Variants in BROX observed in about 807,000 individuals in gnomAD.
BROX encodes the protein BRO1 domain and CAAX motif containing, also known as BRO1 domain-containing protein BROX.
A neutral mutation model predicts 61.0 loss-of-function variants in BROX; 53 were observed. The ratio of observed to expected loss-of-function variants is 0.87; its 90% CI spans 0.70 to 1.09. The LOEUF (loss-of-function observed/expected upper bound fraction) is 1.09. Ranked by LOEUF, BROX falls within the 50% of genes least tolerant of loss-of-function variation. The probability of loss-of-function intolerance (pLI) is 0.00; values close to 1 mark genes in which losing one functional copy is unlikely to be tolerated. For missense variants in BROX, 489 were observed against 472.0 expected, an observed-to-expected ratio of 1.04 and a Z score of -0.33; for synonymous variants, 152 against 160.2, an observed-to-expected ratio of 0.95 and a Z score of 0.38.
rs1374021286 is a variant in BROX, at chr1:222,727,085, G to A, written c.581-83G>A. ...TATTAAAATCCCAGAGAGATTATCA[G>A]ACTGTCTTTTGCTATTATAATTGAA... On this transcript the variant is annotated intron_variant, in intron 7 of 12. Transcript: ENST00000340934. 37 of 947,544 alleles carry A rather than the reference G, an allele frequency of 3.9e-5. No individual in the cohort carries two copies. In the East Asian group the frequency reaches 7.8e-4, roughly 20 times the overall value. 58.7% of individuals were successfully genotyped at this position (947,544 alleles called of 1,614,324 possible).
At chr1:222,732,345 C>T (rs1364108102) in intron 12 of BROX, among the ~76,000 whole-genome samples, 1 of 152,060 alleles carries the variant, frequency 6.6e-6, no homozygotes, top group Non-Finnish European at 1.5e-5. Context: ...GGTATATCTC[C>T]TAAAGCTATC....
chr1:222,734,678 CTGTT>C lies in BROX; in HGVS notation c.*1969_*1972del, dbSNP rs778975948. On this transcript the variant is annotated 3_prime_UTR_variant, in exon 13 of 13. Transcript: ENST00000340934. ...TTGTCTTTATTACAGAATCACTTGT[CTGTT>C]TGTTGTGTGCCACTTACTGACAAAA... 1.1e-4 allele frequency: 17 copies of C among 152,192 alleles called. No individual in the cohort carries two copies. The highest frequency in any genetic ancestry group is 1.7e-4 in the African/African-American group (7 of 41,458). The allele number at this position is 152,192 out of a possible 1,614,324, so 9.4% of individuals were successfully genotyped here.
chr1:222,725,696 GC>G, intron 7 of BROX, 141 bp downstream of exon 7: 1 of 539,128 alleles, frequency 1.9e-6, no homozygotes, highest in Non-Finnish European at 3.1e-6. Flanking sequence ...GCTCACTTGA[GC>G]CCAGGAGTTC....
intron 1 of BROX, chr1:222,713,357 GA>G (rs1158114843): frequency 2.0e-6 from 2 of 985,586 alleles, no homozygotes; most frequent in Non-Finnish European, 2.4e-6. Flanking sequence ...CTGGGCACGG[GA>G]GGAAGAGGCT....
intron 11 of BROX, 131 bp downstream of exon 11, chr1:222,730,308 C>G: frequency 5.2e-6 from 3 of 578,656 alleles, no homozygotes; most frequent in South Asian, 8.6e-5. Context: ...ATAGCACTCA[C>G]TCATGGGCTA....
chr1:222,725,999 C>T (rs1220330841), intron 7 of BROX, among the ~76,000 whole-genome samples: 1 of 152,132 alleles, frequency 6.6e-6, no homozygotes, highest in East Asian at 1.9e-4. Flanking sequence ...AATAAGTTTA[C>T]CTTTAGCATT....
chr1:222,719,976 G>T (rs564097777), intron 4 of BROX, among the ~76,000 whole-genome samples: 2 of 152,088 alleles, frequency 1.3e-5, no homozygotes, highest in Non-Finnish European at 2.9e-5. Flanking sequence ...TGAAATGCCC[G>T]TATATTTTAA....
Position 222,722,498 on chromosome 1 carries a change from C to G in BROX, c.385C>G (p.Leu129Val). 1 of 1,611,224 alleles carries G rather than the reference C, an allele frequency of 6.2e-7. No homozygotes were observed. The highest frequency in any genetic ancestry group is 8.5e-7 in the Non-Finnish European group (1 of 1,177,616). ...ALWYTKYASR[L>V]AGKENITEDE... ...ATGGTATACCAAATATGCTTCAAGA[C>G]TGGCTGGAAAAGAAAAGTAAGTTAA... The change falls in exon 5 of 13, where the codon CTG becomes GTG. Residue 129 changes from leucine to valine, a missense_variant. By Grantham distance (32) the Leu-to-Val change is conservative. Coordinates refer to ENST00000340934, the MANE Select transcript of BROX (RefSeq NM_144695.4).
chr1:222,717,990 C>T (rs1336550575), intron 2 of BROX: 2 of 152,172 alleles, frequency 1.3e-5, no homozygotes, highest in African/African-American at 4.8e-5. Context: ...TCGGAAGCCT[C>T]ACTAAGCTAA....
intron 4 of BROX, among the ~76,000 whole-genome samples, chr1:222,720,279 T>G (rs1656972357): frequency 6.6e-6 from 1 of 152,218 alleles, no homozygotes; most frequent in African/African-American, 2.4e-5. Context: ...CCTTTCTTCC[T>G]TCCTTGGCAA....
Position 222,713,193 on chromosome 1 carries a change from T to A in BROX, c.-17+251T>A, listed in dbSNP as rs1656196926. On this transcript the variant is annotated intron_variant, in intron 1 of 12. Coordinates refer to ENST00000340934, the MANE Select transcript of BROX (RefSeq NM_144695.4). ...CATCTCCATTGGTCATTGGAGAGCTTATAATACAAGCTAAACTGGGGTTCG... is the reference window on the plus strand; with the variant it reads ...CATCTCCATTGGTCATTGGAGAGCTAATAATACAAGCTAAACTGGGGTTCG... 7.1e-6 allele frequency: 7 copies of A among 983,672 alleles called. No homozygotes were observed. The South Asian group carries it at 3.1e-4, about 44-fold the overall frequency. The allele number at this position is 983,672 out of a possible 1,614,324, so 60.9% of individuals were successfully genotyped here. A position where few individuals can be genotyped will look rare whatever the true frequency, so the allele number is the denominator to read the frequency against.
chr1:222,723,183 G>T (rs1657226534), intron 5 of BROX, among the ~76,000 whole-genome samples: 1 of 152,198 alleles, frequency 6.6e-6, no homozygotes, highest in South Asian at 2.1e-4. Flanking sequence ...GCAGAGTAAT[G>T]ATTATAGCTA....
chr1:222,729,835 A>G lies in BROX; in HGVS notation c.838+134A>G, dbSNP rs183868313. Reference sequence around the variant, plus strand: ...GGGAATGGGTGACATAATTGGAGAAAAGAAAAAAATGTTTCAGAAACCTAG... The same window carrying G: ...GGGAATGGGTGACATAATTGGAGAAGAGAAAAAAATGTTTCAGAAACCTAG... On this transcript the variant is annotated intron_variant, in intron 10 of 12. Coordinates refer to ENST00000340934, the MANE Select transcript of BROX (RefSeq NM_144695.4). The G allele has an allele frequency of 6.7e-4, 720 of 1,081,182 alleles. 1 individual carries two copies. Among genetic ancestry groups the G allele is most frequent in the Non-Finnish European group, 8.7e-4 (662 of 759,526 alleles). 67.0% of individuals were successfully genotyped at this position (1,081,182 alleles called of 1,614,324 possible).
chr1:222,720,059 C>A (rs533059227), intron 4 of BROX, among the ~76,000 whole-genome samples: 198 of 152,226 alleles, frequency 1.3e-3, no homozygotes, highest in Middle Eastern at 3.4e-3. Context: ...AAGACCAGAG[C>A]AGACTGTACA....
intron 1 of BROX, chr1:222,713,551 C>T: frequency 6.5e-6 from 4 of 618,342 alleles, no homozygotes; most frequent in African/African-American, 2.0e-5. Context: ...ACCCTTGTCC[C>T]TGCGGGTGGG....
intron 3 of BROX, 74 bp downstream of exon 3, chr1:222,719,105 A>G (rs1656866290): frequency 2.9e-6 from 4 of 1,399,962 alleles, no homozygotes; most frequent in Non-Finnish European, 3.0e-6. Flanking sequence ...TTGACTTTTC[A>G]AATTTGATTA....
rs372668629 is a variant in BROX, at chr1:222,725,400, A to T, written c.475-50A>T. The T allele has an allele frequency of 3.1e-6, 4 of 1,307,850 alleles. No homozygotes were observed. The African/African-American group carries it at 4.5e-5, about 15-fold the overall frequency. The allele number at this position is 1,307,850 out of a possible 1,614,324, so 81.0% of individuals were successfully genotyped here. A position where few individuals can be genotyped will look rare whatever the true frequency, so the allele number is the denominator to read the frequency against. ...TTCTTCATCTCTAACAACTGGATTAAAATAAAATTTGGCTGCTTTGTTTTT... is the reference window on the plus strand; with the variant it reads ...TTCTTCATCTCTAACAACTGGATTATAATAAAATTTGGCTGCTTTGTTTTT... On this transcript the variant is annotated intron_variant, in intron 6 of 12. Transcript: ENST00000340934.
At position 222,725,465 on chromosome 1, in the gene BROX, A is replaced by G. The variant is rs1256075831; in HGVS notation, c.490A>G (p.Lys164Glu). 6.2e-7 allele frequency: 1 copy of G among 1,607,196 alleles called. No individual in the cohort carries two copies. The highest frequency in any genetic ancestry group is 1.1e-5 in the South Asian group (1 of 89,644). ...TTGTTCTCAGGAAAGTCATCTCCCA[A>G]AACTCATTACACCTGCGGAAAAAGG... ...FKHLKESHLP[K>E]LITPAEKGRD... Residue 164 changes from lysine to glutamate, a missense_variant, in exon 7 of 13, where the codon AAA (lysine) becomes GAA (glutamate). Transcript: ENST00000340934.
At position 222,733,748 on chromosome 1, in the gene BROX, A is replaced by G. The variant is rs1027920549; in HGVS notation, c.*1034A>G. The G allele has an allele frequency of 6.6e-6, 1 of 152,180 alleles. No homozygotes were observed. Among genetic ancestry groups the G allele is most frequent in the African/African-American group, 2.4e-5 (1 of 41,456 alleles). 9.4% of individuals were successfully genotyped at this position (152,180 alleles called of 1,614,324 possible). A position where few individuals can be genotyped will look rare whatever the true frequency, so the allele number is the denominator to read the frequency against. The stretch of plus-strand genomic sequence containing the variant: ...ATGATTTTTACAAATATCTTTTTCT[A>G]GTGGGTTTTTTACTTAGAGGAAAGA... On this transcript the variant is annotated 3_prime_UTR_variant, in exon 13 of 13. Transcript: ENST00000340934.
Sources: gnomAD v4.1 joint callset for allele counts (sites outside exome capture counted in the v4.1 genomes callset) on GRCh38, gnomAD v4.1.1 for gene constraint, MANE v1.5 for transcripts, NCBI Gene and HGNC (gene_info 2026-07-23, HGNC 2026-07-21) for gene names.